ERCC3: variants seen among roughly 807,000 people sequenced by gnomAD.
ERCC3 encodes the protein ERCC excision repair 3, TFIIH core complex helicase subunit.
A neutral mutation model predicts 94.2 loss-of-function variants in ERCC3; 66 were observed. The observed-to-expected ratio is 0.70, with a 90% CI of 0.57 to 0.86. ERCC3 has a LOEUF of 0.86. ERCC3 is among the 40% of genes least tolerant of loss of function. The pLI, the probability that ERCC3 is intolerant of heterozygous loss-of-function variation, is 0.00. For synonymous variants in ERCC3, 349 were observed against 369.1 expected, an observed-to-expected ratio of 0.95 and a Z score of 0.63; for missense variants, 829 against 987.1, an observed-to-expected ratio of 0.84 and a Z score of 2.15.
intron 8 of ERCC3, among the ~76,000 whole-genome samples, chr2:127,283,780 G>A (rs1379256653): frequency 1.3e-5 from 2 of 152,218 alleles, no homozygotes; most frequent in Non-Finnish European, 2.9e-5. Flanking sequence ...GCATCCTGTG[G>A]TGGGTTTAAA....
At position 127,264,847 on chromosome 2, in the gene ERCC3, ATTTTTTT is replaced by A. The variant is rs566656100; in HGVS notation, c.1946-3508_1946-3502del. On this transcript the variant is annotated intron_variant, in intron 12 of 14. Coordinates refer to ENST00000285398, the MANE Select transcript of ERCC3 (RefSeq NM_000122.2). The surrounding 1 kb of genome is among the most constrained non-coding windows in gnomAD (Gnocchi z 4.4). ...GGTCCAGGACTTTTTTAGTTGGTAG[ATTTTTTT>A]TTTTTTTTTTGGAGGCGGAGTCTCA... 1.4e-5 allele frequency among the ~76,000 whole-genome samples: 2 copies of A among 138,644 alleles called. No individual in the cohort carries two copies. Among genetic ancestry groups the A allele is most frequent in the Admixed American group, 7.3e-5 (1 of 13,742 alleles). 91.0% of individuals were successfully genotyped at this position (138,644 alleles called of 152,430 possible). A position where few individuals can be genotyped will look rare whatever the true frequency, so the allele number is the denominator to read the frequency against.
rs1684866198 is a variant in ERCC3, at chr2:127,280,257, A to G, written c.1527+190T>C. On this transcript the variant is annotated intron_variant, in intron 9 of 14. Coordinates refer to ENST00000285398, the MANE Select transcript of ERCC3 (RefSeq NM_000122.2). The surrounding 1 kb of genome is among the most constrained non-coding windows in gnomAD (Gnocchi z 6.3). ...AATTCAGGGGTATGTGAGATATGTG[A>G]CAAGACAGAAGATATGCAGCAAGTG... Among the ~76,000 whole-genome samples, 1 of 152,214 alleles carries G rather than the reference A, an allele frequency of 6.6e-6. No individual in the cohort carries two copies. Among genetic ancestry groups the G allele is most frequent in the Admixed American group, 6.5e-5 (1 of 15,280 alleles).
Position 127,279,173 on chromosome 2 carries a change from T to C in ERCC3, c.1730A>G (p.Lys577Arg). The C allele has an allele frequency of 6.2e-7, 1 of 1,605,208 alleles. No homozygotes were observed. Among genetic ancestry groups the C allele is most frequent in the Non-Finnish European group, 8.5e-7 (1 of 1,171,934 alleles). The stretch of plus-strand genomic sequence containing the variant: ...GAAGCTCCAAGTTTTCAATTCTTAC[T>C]TGTTCAGTCGAATGGCATATTCCTT... ...ALKEYAIRLN[K>R]PYIYGPTSQG... The change falls in exon 10 of 15, where the codon AAA becomes AGA. Residue 577 changes from lysine (K) to arginine (R), a missense_variant and splice_region_variant. Coordinates refer to ENST00000285398, the MANE Select transcript of ERCC3 (RefSeq NM_000122.2). The surrounding 1 kb of genome is among the most constrained non-coding windows in gnomAD (Gnocchi z 4.7).
chr2:127,273,195 C>T lies in ERCC3; in HGVS notation c.1731-234G>A, dbSNP rs55741927. ...TCGGGATTCCCTCCTTTCCATTTTT[C>T]GTTTTCTTTTTGGACTATGCTTTTT... On this transcript the variant is annotated intron_variant, in intron 10 of 14. Coordinates refer to ENST00000285398, the MANE Select transcript of ERCC3 (RefSeq NM_000122.2). Among the ~76,000 whole-genome samples the T allele has an allele frequency of 7.6e-4, 116 of 152,264 alleles. 1 individual carries two copies. Among genetic ancestry groups the T allele is most frequent in the African/African-American group, 2.5e-3 (104 of 41,568 alleles).
In ERCC3 at chr2:127,273,095, C is replaced by T. The variant is rs55840419; in HGVS notation, c.1731-134G>A. 958 of 640,844 alleles carry T rather than the reference C, an allele frequency of 1.5e-3. 3 individuals are homozygous for T. In the African/African-American group the frequency reaches 0.015, roughly 10 times the overall value. 39.7% of individuals were successfully genotyped at this position (640,844 alleles called of 1,614,324 possible). ...CTCGTCATGTAGGAATATCGTTACA[C>T]CCAAAAAAATGACTGGCTACAGATG... On this transcript the variant is annotated intron_variant, in intron 10 of 14. Transcript: ENST00000285398.
rs750241013 is a variant in ERCC3 at position 127,280,677 on chromosome 2, T to A, written c.1343-46A>T. On this transcript the variant is annotated intron_variant, in intron 8 of 14. Transcript: ENST00000285398. The surrounding 1 kb of genome is among the most constrained non-coding windows in gnomAD (Gnocchi z 6.3). ...TTCACACTGTCACTTTTCTTTCTTA[T>A]TTTTTATTTATTTATTTTAAAATAT... 17 of 1,501,818 alleles carry A rather than the reference T, an allele frequency of 1.1e-5. No individual in the cohort carries two copies. Among genetic ancestry groups the A allele is most frequent in the Non-Finnish European group, 1.1e-5 (12 of 1,088,862 alleles). The allele number at this position is 1,501,818 out of a possible 1,614,324, so 93.0% of individuals were successfully genotyped here.
intron 8 of ERCC3, among the ~76,000 whole-genome samples, chr2:127,285,806 A>T (rs1459428506): frequency 1.3e-5 from 2 of 151,856 alleles, no homozygotes; most frequent in Admixed American, 1.3e-4. Context: ...GGCCAAGATC[A>T]CACGACTGCA....
chr2:127,257,745 C>G lies in ERCC3; in HGVS notation c.2218-18G>C, dbSNP rs751244811. 13 of 1,614,022 alleles carry G rather than the reference C, an allele frequency of 8.1e-6. No individual in the cohort carries two copies. The Admixed American group carries it at 1.7e-4, about 21-fold the overall frequency. ...CGAGATGCCTGCCGGGAAGGGGGAA[C>G]CAGCCCATGTTAGTCTCCAGAAGAA... On this transcript the variant is annotated intron_variant, in intron 14 of 14. Coordinates refer to ENST00000285398, the MANE Select transcript of ERCC3 (RefSeq NM_000122.2). This position sits in a 1 kb window ranked among gnomAD's most constrained non-coding sequence, Gnocchi z 5.4.
intron 7 of ERCC3, among the ~76,000 whole-genome samples, chr2:127,287,230 G>A (rs1037096885): frequency 5.9e-5 from 9 of 152,166 alleles, no homozygotes; most frequent in South Asian, 2.1e-4. Flanking sequence ...AATGGCAGGC[G>A]CTGGGGCCTA....
chr2:127,266,720 T>TTA (rs1684384266), intron 12 of ERCC3, among the ~76,000 whole-genome samples: 1 of 144,890 alleles, frequency 6.9e-6, no homozygotes, highest in African/African-American at 2.6e-5. Flanking sequence ...TTTTTTTTTT[T>TTA]TTTTTTTTTT....
At position 127,288,861 on chromosome 2, in the gene ERCC3, T is replaced by C; in HGVS notation, c.826A>G (p.Met276Val). ...CAACGTTTCTGGAGTTCCTCAATCA[T>C]TTCCTGGAAAGAGGGCACAAAAGGG... Reference protein sequence around the residue: ...QTVSFEVKQEMIEELQKRCIH... With the variant: ...QTVSFEVKQEVIEELQKRCIH... The change falls in exon 7 of 15, where the codon ATG becomes GTG. Residue 276 changes from methionine (M) to valine (V), a missense_variant. By Grantham distance (21) the Met-to-Val change is conservative (BLOSUM62 1). Coordinates refer to ENST00000285398, the MANE Select transcript of ERCC3 (RefSeq NM_000122.2). The C allele has an allele frequency of 1.2e-6, 2 of 1,612,956 alleles. No individual in the cohort carries two copies. The highest frequency in any genetic ancestry group is 1.7e-6 in the Non-Finnish European group (2 of 1,179,258).
At position 127,280,346 on chromosome 2, in the gene ERCC3, TA is replaced by T; in HGVS notation, c.1527+100del. The T allele has an allele frequency of 8.9e-7, 1 of 1,119,836 alleles. No homozygotes were observed. Among genetic ancestry groups the T allele is most frequent in the Non-Finnish European group, 1.3e-6 (1 of 754,490 alleles). The allele number at this position is 1,119,836 out of a possible 1,614,324, so 69.4% of individuals were successfully genotyped here. ...TGTATGAAGTGGTAGCAGGTGAGCCTAAGTCCTGACCTGTGTCTGCCCATGA... is the reference window on the plus strand; with the variant it reads ...TGTATGAAGTGGTAGCAGGTGAGCCTAGTCCTGACCTGTGTCTGCCCATGA... On this transcript the variant is annotated intron_variant, in intron 9 of 14. Coordinates refer to ENST00000285398, the MANE Select transcript of ERCC3 (RefSeq NM_000122.2). The surrounding 1 kb of genome is among the most constrained non-coding windows in gnomAD (Gnocchi z 6.3).
At chr2:127,260,997 C>G (rs1684172917) in intron 13 of ERCC3, 1 of 541,774 alleles carries the variant, frequency 1.8e-6, no homozygotes, top group Non-Finnish European at 3.3e-6. Context: ...GGCTCAGATT[C>G]ACACAGTGCT....
Position 127,293,514 on chromosome 2 carries a change from A to C in ERCC3, c.233T>G (p.Val78Gly), listed in dbSNP as rs1341880081. The C allele has an allele frequency of 6.2e-7, 1 of 1,613,824 alleles. No homozygotes were observed. Among genetic ancestry groups the C allele is most frequent in the East Asian group, 2.2e-5 (1 of 44,866 alleles). Residue 78 changes from valine to glycine, a missense_variant and splice_region_variant, in exon 2 of 15, where the codon GTG becomes GGG. Transcript: ENST00000285398. ...KDDHTSRPLW[V>G]APDGHIFLEA... Reference sequence around the variant, plus strand: ...TGCCCAAGCTAAGGGCATGCTTACCACCCAGAGGGGCCTGGAGGTGTGGTC... The same window carrying C: ...TGCCCAAGCTAAGGGCATGCTTACCCCCCAGAGGGGCCTGGAGGTGTGGTC...
intron 8 of ERCC3, chr2:127,281,044 C>G: frequency 2.3e-6 from 1 of 431,276 alleles, no homozygotes; most frequent in Non-Finnish European, 4.1e-6. Flanking sequence ...TTAATGAATC[C>G]CAGCATTCCC....
intron 3 of ERCC3, chr2:127,292,380 C>T (rs917241926): frequency 3.3e-6 from 2 of 609,978 alleles, no homozygotes; most frequent in Admixed American, 4.5e-5. Flanking sequence ...TGGCCTCACC[C>T]AGAACACAAT....
Position 127,280,048 on chromosome 2 carries a change from A to G in ERCC3, c.1527+399T>C, listed in dbSNP as rs1684859542. Among the ~76,000 whole-genome samples the G allele has an allele frequency of 6.6e-6, 1 of 152,112 alleles. No individual in the cohort carries two copies. Among genetic ancestry groups the G allele is most frequent in the African/African-American group, 2.4e-5 (1 of 41,420 alleles). On this transcript the variant is annotated intron_variant, in intron 9 of 14. Coordinates refer to ENST00000285398, the MANE Select transcript of ERCC3 (RefSeq NM_000122.2). This position sits in a 1 kb window ranked among gnomAD's most constrained non-coding sequence, Gnocchi z 6.3. ...ACCGCCACCTCTTCACACACTTCCC[A>G]GCAGGGCTGGGAGCATATCAGTTAG...
Position 127,264,129 on chromosome 2 carries a change from G to A in ERCC3, c.1946-2783C>T, listed in dbSNP as rs1684282157. ...GAGATATGTTCCTTCGATGCCATTT[G>A]TTGAGGGTTTTTATCATGAAGGAAT... On this transcript the variant is annotated intron_variant, in intron 12 of 14. Transcript: ENST00000285398. This position sits in a 1 kb window ranked among gnomAD's most constrained non-coding sequence, Gnocchi z 4.4. Among the ~76,000 whole-genome samples the A allele has an allele frequency of 6.6e-6, 1 of 152,182 alleles. No homozygotes were observed. The highest frequency in any genetic ancestry group is 2.4e-5 in the African/African-American group (1 of 41,438).
intron 2 of ERCC3, 84 bp downstream of exon 2, chr2:127,293,429 G>T: frequency 1.6e-6 from 2 of 1,246,732 alleles, no homozygotes; most frequent in Non-Finnish European, 1.2e-6. Flanking sequence ...TATCCTGAAT[G>T]TCAGTTTTGA....
Sources: allele counts gnomAD v4.1 joint callset (sites outside exome capture counted in the v4.1 genomes callset), GRCh38; gene constraint gnomAD v4.1.1; non-coding constraint Gnocchi (gnomAD v3.1); transcripts MANE v1.5; gene names NCBI Gene and HGNC (gene_info 2026-07-23, HGNC 2026-07-21).